FBN2: variants seen among roughly 807,000 people sequenced by gnomAD.
FBN2 encodes the protein fibrillin-2.
A neutral mutation model predicts 355.6 loss-of-function variants in FBN2; 105 were observed. That is an observed-to-expected ratio of 0.30 (90% CI 0.25 to 0.35). The LOEUF is 0.35. Ranked by LOEUF, FBN2 falls within the 10% of genes least tolerant of loss-of-function variation. The probability of loss-of-function intolerance (pLI) is 1.00; values close to 1 mark genes in which losing one functional copy is unlikely to be tolerated. For synonymous variants in FBN2, 1,350 were observed against 1,301.2 expected, an observed-to-expected ratio of 1.04 and a Z score of -0.81; for missense variants, 3,280 against 3,758.7, an observed-to-expected ratio of 0.87 and a Z score of 3.33.
At chr5:128,261,650 T>A (rs1300500452) in intron 64 of FBN2, 86 bp downstream of exon 64, 1 of 1,212,510 alleles carries the variant, frequency 8.2e-7, no homozygotes, top group Non-Finnish European at 1.2e-6. Flanking sequence ...TTAACTTCAG[T>A]GAGGCTGAAA....
intron 55 of FBN2, 42 bp from the exon 56 acceptor site, chr5:128,280,359 A>G: frequency 6.6e-7 from 1 of 1,513,838 alleles, no homozygotes. Flanking sequence ...AAAACTGTCA[A>G]ATTATAGTTT....
rs1756383799 is a variant in FBN2, at chr5:128,519,878, A to G, written c.533-510T>C. ...GGAAAAAGGAAAAATCAGAGAAGAA[A>G]AGGAAGCCAAGGGGGGAAAAGGTAA... On this transcript the variant is annotated intron_variant, in intron 4 of 64. Coordinates refer to ENST00000262464, the MANE Select transcript of FBN2 (RefSeq NM_001999.4). 2.0e-5 allele frequency among the ~76,000 whole-genome samples: 3 copies of G among 152,092 alleles called. No homozygotes were observed. The South Asian group carries it at 6.2e-4, about 32-fold the overall frequency.
intron 5 of FBN2, among the ~76,000 whole-genome samples, chr5:128,514,137 A>G (rs1226569352): frequency 6.6e-6 from 1 of 152,216 alleles, no homozygotes; most frequent in Middle Eastern, 3.4e-3. Flanking sequence ...TTCAGAGTGC[A>G]AGAAAAAGGG....
intron 7 of FBN2, among the ~76,000 whole-genome samples, chr5:128,431,789 C>A (rs1226633258): frequency 6.6e-6 from 1 of 152,184 alleles, no homozygotes; most frequent in Non-Finnish European, 1.5e-5. Flanking sequence ...ATAACTGAGG[C>A]AGCTACTGAG....
chr5:128,306,545 C>T (rs1749886058), intron 42 of FBN2, among the ~76,000 whole-genome samples: 1 of 151,972 alleles, frequency 6.6e-6, no homozygotes, highest in Admixed American at 6.6e-5. Flanking sequence ...TCACTTGAAC[C>T]TAGGAGACAG....
At chr5:128,514,242 T>A (rs887946610) in intron 5 of FBN2, among the ~76,000 whole-genome samples, 3 of 152,214 alleles carry the variant, frequency 2.0e-5, no homozygotes, top group African/African-American at 7.2e-5. Context: ...TAAGATTTAA[T>A]CATGATATAT....
intron 64 of FBN2, 46 bp downstream of exon 64, chr5:128,261,689 TC>T: frequency 1.9e-6 from 3 of 1,585,248 alleles, no homozygotes; most frequent in Non-Finnish European, 2.6e-6. Context: ...TATACATGAC[TC>T]CGTAGGGATA....
intron 5 of FBN2, 104 bp from the exon 6 acceptor site, chr5:128,465,025 G>T: frequency 8.9e-7 from 1 of 1,121,334 alleles, no homozygotes; most frequent in Non-Finnish European, 1.4e-6. Context: ...TCTGACCAAA[G>T]TGTCCAAAGA....
intron 7 of FBN2, among the ~76,000 whole-genome samples, chr5:128,410,175 A>G (rs924725134): frequency 6.6e-6 from 1 of 152,260 alleles, no homozygotes; most frequent in Admixed American, 6.5e-5. Context: ...ACATGAATTG[A>G]CTACATGAGG....
chr5:128,370,028 T>C (rs575558300), intron 15 of FBN2, among the ~76,000 whole-genome samples: 1 of 152,356 alleles, frequency 6.6e-6, no homozygotes, highest in East Asian at 1.9e-4. Context: ...GCTACCTATG[T>C]AGTTTGAAGT....
At chr5:128,331,367 G>A (rs1750687845) in intron 32 of FBN2, among the ~76,000 whole-genome samples, 1 of 152,124 alleles carries the variant, frequency 6.6e-6, no homozygotes, top group Non-Finnish European at 1.5e-5. Context: ...AGAGGGACGA[G>A]TGCATGGTAA....
chr5:128,287,596 T>A (rs1177171822), intron 53 of FBN2, among the ~76,000 whole-genome samples, 166 bp from the exon 54 acceptor site: 1 of 152,162 alleles, frequency 6.6e-6, no homozygotes, highest in East Asian at 1.9e-4. Context: ...TCTTTAAAAA[T>A]AACAGCTATA....
At position 128,276,458 on chromosome 5, in the gene FBN2, A is replaced by T. The variant is rs561284400; in HGVS notation, c.7472-298T>A. Among the ~76,000 whole-genome samples, 384 of 152,306 alleles carry T rather than the reference A, an allele frequency of 2.5e-3. 1 individual carries two copies. The highest frequency in any genetic ancestry group is 6.8e-3 in the Middle Eastern group (2 of 294). The stretch of plus-strand genomic sequence containing the variant: ...TTTACAACCTGAGAATCATAAACTT[A>T]ATAAGAGTTTCTCTGTTTTTGACCC... On this transcript the variant is annotated intron_variant, in intron 58 of 64. Coordinates refer to ENST00000262464, the MANE Select transcript of FBN2 (RefSeq NM_001999.4).
At chr5:128,432,594 G>A (rs962706218) in intron 7 of FBN2, among the ~76,000 whole-genome samples, 1 of 152,102 alleles carries the variant, frequency 6.6e-6, no homozygotes, top group African/African-American at 2.4e-5. Flanking sequence ...AGTTTGCCAA[G>A]CCCTGATCTA....
intron 60 of FBN2, 25 bp from the exon 61 acceptor site, chr5:128,273,993 C>A (rs202148545): frequency 2.5e-6 from 4 of 1,613,410 alleles, no homozygotes; most frequent in Non-Finnish European, 3.4e-6. Context: ...AGAAGCAGAG[C>A]GTCAAACTTT....
Position 128,304,810 on chromosome 5 carries a change from C to G in FBN2, c.5800+147G>C, listed in dbSNP as rs1749821746. On this transcript the variant is annotated intron_variant, in intron 45 of 64. Coordinates refer to ENST00000262464, the MANE Select transcript of FBN2 (RefSeq NM_001999.4). ...CCTGCTTGCAAATTTTATATTGAAT[C>G]AAGACTTAAATAGTTTGACCTAGTT... The G allele has an allele frequency of 3.9e-6, 4 of 1,014,096 alleles. No individual in the cohort carries two copies. In the Admixed American group the frequency reaches 7.9e-5, roughly 20 times the overall value. The allele number at this position is 1,014,096 out of a possible 1,614,324, so 62.8% of individuals were successfully genotyped here.
chr5:128,342,971 GC>G (rs1450338403), intron 25 of FBN2, among the ~76,000 whole-genome samples: 1 of 151,996 alleles, frequency 6.6e-6, no homozygotes, highest in Non-Finnish European at 1.5e-5. Flanking sequence ...CAGGTGATCT[GC>G]CCGTCTCGGC....
At chr5:128,479,413 A>G (rs1018914881) in intron 5 of FBN2, among the ~76,000 whole-genome samples, 1 of 152,198 alleles carries the variant, frequency 6.6e-6, no homozygotes, top group African/African-American at 2.4e-5. Context: ...ACATATATGT[A>G]CGTATATAGT....
At chr5:128,318,681 C>T (rs936441276) in intron 35 of FBN2, among the ~76,000 whole-genome samples, 198 bp downstream of exon 35, 4 of 151,862 alleles carry the variant, frequency 2.6e-5, no homozygotes, top group Admixed American at 2.0e-4. Context: ...ATACAGATAA[C>T]AATTTAATAT....
Sources: allele counts gnomAD v4.1 joint callset (sites outside exome capture counted in the v4.1 genomes callset), GRCh38; gene constraint gnomAD v4.1.1; transcripts MANE v1.5; gene names NCBI Gene and HGNC (gene_info 2026-07-23, HGNC 2026-07-21).